PDPN: variants seen among roughly 807,000 people sequenced by gnomAD.
PDPN encodes the protein podoplanin.
A neutral mutation model predicts 23.2 loss-of-function variants in PDPN; 12 were observed. The observed-to-expected ratio is 0.52, with a 90% CI of 0.33 to 0.84. The LOEUF is 0.84. Among genes scored for constraint, PDPN ranks in the 40% least tolerant of loss-of-function variants. PDPN has a pLI of 0.02. For synonymous variants in PDPN, 77 were observed against 76.7 expected (o/e 1.00, Z -0.02); for missense variants, 199 against 212.2 (o/e 0.94, Z 0.39).
At chr1:13,613,567 G>A (rs145521808) in intron 3 of PDPN, 120 bp from the exon 4 acceptor site, 2 of 657,518 alleles carry the variant, frequency 3.0e-6, no homozygotes, top group African/African-American at 1.9e-5. Flanking sequence ...TATTTAAGAA[G>A]CCATCCTCTT....
intron 3 of PDPN, among the ~76,000 whole-genome samples, chr1:13,610,798 G>C (rs1640913381): frequency 6.6e-6 from 1 of 152,146 alleles, no homozygotes. Context: ...CAAGTGGATA[G>C]AATGTGACGT....
At chr1:13,611,093 C>T (rs1289460612) in intron 3 of PDPN, among the ~76,000 whole-genome samples, 9 of 152,044 alleles carry the variant, frequency 5.9e-5, no homozygotes, top group South Asian at 2.1e-4. Flanking sequence ...TGGTGGCGGG[C>T]GCCTGTAGTC....
In PDPN at chr1:13,585,154, T is replaced by C. The variant is rs1233479778; in HGVS notation, c.67+1054T>C. Reference sequence around the variant, plus strand: ...TTTGGGGCTGGAGGTTGCTGAGTTATGCTGTGAAAAGTAAACATTTTCCAA... The same window carrying C: ...TTTGGGGCTGGAGGTTGCTGAGTTACGCTGTGAAAAGTAAACATTTTCCAA... On this transcript the variant is annotated intron_variant, in intron 1 of 5. Coordinates refer to ENST00000621990, the MANE Select transcript of PDPN (RefSeq NM_006474.5). Among the ~76,000 whole-genome samples, 5 of 152,196 alleles carry C rather than the reference T, an allele frequency of 3.3e-5. No homozygotes were observed. The East Asian group carries it at 5.8e-4, about 18-fold the overall frequency.
intron 1 of PDPN, among the ~76,000 whole-genome samples, chr1:13,601,600 G>A (rs1234855860): frequency 1.3e-5 from 2 of 152,132 alleles, no homozygotes; most frequent in African/African-American, 4.8e-5. Flanking sequence ...CAGGTGATCT[G>A]CCTGCCTTGG....
At chr1:13,590,797 G>C (rs1024632627) in intron 1 of PDPN, among the ~76,000 whole-genome samples, 2 of 142,130 alleles carry the variant, frequency 1.4e-5, no homozygotes, top group African/African-American at 5.2e-5. Context: ...CTGGTTGTCA[G>C]AAGATAATGA....
At chr1:13,593,127 C>G (rs375255932) in intron 1 of PDPN, among the ~76,000 whole-genome samples, 1 of 151,756 alleles carries the variant, frequency 6.6e-6, no homozygotes, top group Non-Finnish European at 1.5e-5. Context: ...TAAAAGAGCA[C>G]GAGGTAGGTA....
At chr1:13,593,606 T>G (rs1195036168) in intron 1 of PDPN, among the ~76,000 whole-genome samples, 1 of 152,212 alleles carries the variant, frequency 6.6e-6, no homozygotes, top group Non-Finnish European at 1.5e-5. Context: ...CTCATCCTCC[T>G]GGGCTCACAG....
intron 2 of PDPN, among the ~76,000 whole-genome samples, chr1:13,609,361 A>G (rs1386460249): frequency 6.6e-6 from 1 of 152,172 alleles, no homozygotes; most frequent in Admixed American, 6.5e-5. Flanking sequence ...GAGAATTTAT[A>G]TTATTCACAT....
At chr1:13,585,330 G>T (rs934863442) in intron 1 of PDPN, 1 of 374,320 alleles carries the variant, frequency 2.7e-6, no homozygotes, top group Non-Finnish European at 4.9e-6. Flanking sequence ...TCTGCTCTAT[G>T]CTGTGCTGTC....
intron 1 of PDPN, among the ~76,000 whole-genome samples, chr1:13,584,947 G>A (rs1640136969): frequency 6.6e-6 from 1 of 152,150 alleles, no homozygotes; most frequent in Admixed American, 6.5e-5. Context: ...GGTCTCCATT[G>A]ACATCTGTCA....
chr1:13,587,322 G>A (rs957303741), intron 1 of PDPN, among the ~76,000 whole-genome samples: 12 of 152,100 alleles, frequency 7.9e-5, no homozygotes, highest in African/African-American at 2.7e-4. Context: ...TTTGAGAGAG[G>A]CACACCTCAC....
intron 1 of PDPN, among the ~76,000 whole-genome samples, chr1:13,587,962 A>C (rs1250515855): frequency 6.6e-6 from 1 of 152,092 alleles, no homozygotes; most frequent in African/African-American, 2.4e-5. Flanking sequence ...TGTCTGGCTG[A>C]GTGTCTTTGC....
At chr1:13,589,622 C>T (rs915251794) in intron 1 of PDPN, among the ~76,000 whole-genome samples, 1 of 152,152 alleles carries the variant, frequency 6.6e-6, no homozygotes. Flanking sequence ...GTAGCCCACA[C>T]ACAGACACGG....
At chr1:13,604,894 A>C (rs778839100) in intron 1 of PDPN, among the ~76,000 whole-genome samples, 5 of 151,906 alleles carry the variant, frequency 3.3e-5, no homozygotes, top group Non-Finnish European at 5.9e-5. Context: ...CTCTACCCCT[A>C]CTCCAGCAAA....
intron 1 of PDPN, among the ~76,000 whole-genome samples, chr1:13,602,141 A>G (rs954331894): frequency 3.3e-5 from 5 of 152,160 alleles, no homozygotes; most frequent in Non-Finnish European, 7.3e-5. Flanking sequence ...CCTGGCTAAC[A>G]TGGTGAAACC....
chr1:13,599,011 C>CTTTTTTTTTTTTTTTTTGTTTT (rs1640569762), intron 1 of PDPN, among the ~76,000 whole-genome samples: 1 of 127,076 alleles, frequency 7.9e-6, no homozygotes, highest in African/African-American at 2.9e-5. Flanking sequence ...GCCCCCCCTC[C>CTTTTTTTTTTTTTTTTTGTTTT]TTTTTTTTTT....
intron 1 of PDPN, among the ~76,000 whole-genome samples, chr1:13,598,379 A>C (rs1292281390): frequency 6.6e-6 from 1 of 152,040 alleles, no homozygotes. Flanking sequence ...TCACCTGTCC[A>C]GTTCTTATCC....
chr1:13,589,676 C>A (rs2100208960), intron 1 of PDPN, among the ~76,000 whole-genome samples: 1 of 152,284 alleles, frequency 6.6e-6, no homozygotes, highest in East Asian at 1.9e-4. Flanking sequence ...GGCTGCTCAA[C>A]CCTAGAGCCC....
chr1:13,610,830 C>T (rs1386436813), intron 3 of PDPN, among the ~76,000 whole-genome samples: 3 of 152,160 alleles, frequency 2.0e-5, no homozygotes, highest in African/African-American at 7.2e-5. Context: ...TGTTGACACC[C>T]AAGGGCACGA....
Sources: gnomAD v4.1 joint callset for allele counts (sites outside exome capture counted in the v4.1 genomes callset) on GRCh38, gnomAD v4.1.1 for gene constraint, MANE v1.5 for transcripts, NCBI Gene and HGNC (gene_info 2026-07-23, HGNC 2026-07-21) for gene names.